The following CFAP77 variants were observed in gnomAD, a reference collection of about 807,000 sequenced individuals.
CFAP77 encodes the protein cilia- and flagella-associated protein 77.
In CFAP77, 25 loss-of-function variants were observed where a neutral mutation model predicts 31.1. The ratio of observed to expected loss-of-function variants is 0.80; its 90% CI spans 0.59 to 1.12. CFAP77 has a LOEUF of 1.12. Ranked by LOEUF, CFAP77 falls within the 50% of genes most tolerant of loss-of-function variation. The pLI is 0.00. For synonymous variants in CFAP77, 151 were observed against 159.9 expected, an observed-to-expected ratio of 0.94 and a Z score of 0.42; for missense variants, 377 against 397.3, an observed-to-expected ratio of 0.95 and a Z score of 0.44.
chr9:132,447,329 G>A (rs919150279), intron 1 of CFAP77, among the ~76,000 whole-genome samples: 6 of 152,210 alleles, frequency 3.9e-5, no homozygotes, highest in African/African-American at 1.4e-4. Context: ...AGTGAACTGG[G>A]TGGAGTTAAT....
intron 5 of CFAP77, among the ~76,000 whole-genome samples, chr9:132,555,999 T>G (rs985087704): frequency 6.6e-6 from 1 of 151,816 alleles, no homozygotes; most frequent in Admixed American, 6.6e-5. Flanking sequence ...CGCGCACAGA[T>G]AGATGATCCG....
At chr9:132,535,311 A>T (rs1852524541) in intron 3 of CFAP77, among the ~76,000 whole-genome samples, 1 of 152,208 alleles carries the variant, frequency 6.6e-6, no homozygotes, top group South Asian at 2.1e-4. Context: ...TCAAACTAAC[A>T]ATATCAACAT....
At chr9:132,415,755 C>T (rs1850085310) in intron 1 of CFAP77, among the ~76,000 whole-genome samples, 2 of 152,152 alleles carry the variant, frequency 1.3e-5, no homozygotes, top group Admixed American at 1.3e-4. Flanking sequence ...AAGTTTTCCT[C>T]ATTTACAACT....
chr9:132,519,546 A>G (rs62649750), intron 3 of CFAP77, among the ~76,000 whole-genome samples: 85 of 12,984 alleles, frequency 6.5e-3, no homozygotes, highest in Non-Finnish European at 7.7e-3. Context: ...ATGGGTGGGT[A>G]GATGGATGAA....
At chr9:132,457,392 C>A (rs978401646) in intron 1 of CFAP77, among the ~76,000 whole-genome samples, 2 of 152,238 alleles carry the variant, frequency 1.3e-5, no homozygotes, top group Non-Finnish European at 2.9e-5. Context: ...AATAGCTCGA[C>A]TGTGTCACTG....
intron 1 of CFAP77, among the ~76,000 whole-genome samples, chr9:132,439,091 G>A (rs1417279407): frequency 2.6e-5 from 4 of 151,144 alleles, no homozygotes; most frequent in Middle Eastern, 3.2e-3. Context: ...GGCCAAGCTG[G>A]TCTCAAACTC....
Position 132,547,712 on chromosome 9 carries a change from C to T in CFAP77, c.732+4665C>T, listed in dbSNP as rs570393543. On this transcript the variant is annotated intron_variant, in intron 5 of 5. Coordinates refer to ENST00000393216, the MANE Select transcript of CFAP77 (RefSeq NM_001282957.2). ...TGTCCTCAGGTGTCCCCAGGTGCGC[C>T]GTGTCCACAGCCTGAAATGGTCCAG... Among the ~76,000 whole-genome samples, 8 of 152,160 alleles carry T rather than the reference C, an allele frequency of 5.3e-5. No individual in the cohort carries two copies. The East Asian group carries it at 7.7e-4, about 15-fold the overall frequency.
chr9:132,439,930 G>A (rs998080174), intron 1 of CFAP77, among the ~76,000 whole-genome samples: 3 of 151,834 alleles, frequency 2.0e-5, no homozygotes, highest in South Asian at 2.1e-4. Context: ...CCTATGGTGC[G>A]GTGATGTAGA....
chr9:132,423,239 C>T (rs961900951), intron 1 of CFAP77, among the ~76,000 whole-genome samples: 9 of 152,240 alleles, frequency 5.9e-5, no homozygotes, highest in African/African-American at 2.2e-4. Context: ...TTTTCTTAGG[C>T]AGCCGCTTGC....
chr9:132,548,649 A>C (rs72767824), intron 5 of CFAP77, among the ~76,000 whole-genome samples: 13,039 of 150,914 alleles, frequency 0.086, 605 homozygotes, highest in Middle Eastern at 0.14. Context: ...CCATTTTAGA[A>C]GGGGGCTTGC....
chr9:132,531,439 C>T (rs1009051513), intron 3 of CFAP77, among the ~76,000 whole-genome samples: 3 of 152,110 alleles, frequency 2.0e-5, no homozygotes, highest in Admixed American at 1.3e-4. Flanking sequence ...GGGGAGGTGG[C>T]CTCACTACTG....
chr9:132,451,436 G>A (rs1006922476), intron 1 of CFAP77, among the ~76,000 whole-genome samples: 1 of 151,998 alleles, frequency 6.6e-6, no homozygotes, highest in Non-Finnish European at 1.5e-5. Flanking sequence ...TAACACTCAA[G>A]TGAGGGCCCG....
chr9:132,432,571 G>A (rs973212828), intron 1 of CFAP77, among the ~76,000 whole-genome samples: 16 of 148,014 alleles, frequency 1.1e-4, no homozygotes, highest in African/African-American at 3.5e-4. Flanking sequence ...TTGCTTTGTC[G>A]CCCAGGCTGG....
chr9:132,572,355 C>T (rs1360875914), intron 5 of CFAP77, 33 bp from the exon 6 acceptor site: 1 of 1,605,940 alleles, frequency 6.2e-7, no homozygotes, highest in Non-Finnish European at 8.5e-7. Flanking sequence ...TGAAGTCTCC[C>T]CTCACCCACC....
chr9:132,411,082 T>A (rs1554731464), intron 1 of CFAP77, among the ~76,000 whole-genome samples: 1 of 152,268 alleles, frequency 6.6e-6, no homozygotes, highest in Non-Finnish European at 1.5e-5. Context: ...TGGATCACTT[T>A]CCCTTCCATT....
intron 1 of CFAP77, among the ~76,000 whole-genome samples, chr9:132,472,062 C>A (rs1851268721): frequency 6.6e-6 from 1 of 152,188 alleles, no homozygotes; most frequent in Non-Finnish European, 1.5e-5. Flanking sequence ...GGCAGCCCAG[C>A]ACCTGTGCAG....
chr9:132,500,870 G>A (rs199629690), intron 3 of CFAP77, among the ~76,000 whole-genome samples: 2 of 152,238 alleles, frequency 1.3e-5, no homozygotes, highest in East Asian at 3.9e-4. Flanking sequence ...CGCAAGTAGG[G>A]AGGGAGATGG....
At chr9:132,487,598 C>T (rs1209793843) in intron 1 of CFAP77, among the ~76,000 whole-genome samples, 2 of 148,342 alleles carry the variant, frequency 1.3e-5, no homozygotes, top group Non-Finnish European at 3.0e-5. Flanking sequence ...TTTTTTTTAA[C>T]GTGGTTGTAA....
At chr9:132,438,559 AG>A (rs1445114465) in intron 1 of CFAP77, among the ~76,000 whole-genome samples, 6 of 91,302 alleles carry the variant, frequency 6.6e-5, no homozygotes, top group Non-Finnish European at 4.8e-5. Context: ...TTTTTTTTTT[AG>A]ACAGGGTCTC....
Sources: allele counts gnomAD v4.1 joint callset (sites outside exome capture counted in the v4.1 genomes callset), GRCh38; gene constraint gnomAD v4.1.1; transcripts MANE v1.5; gene names NCBI Gene and HGNC (gene_info 2026-07-23, HGNC 2026-07-21).